The following VPS35L variants were observed in gnomAD, a reference collection of about 807,000 sequenced individuals.
The protein encoded by VPS35L is VPS35 endosomal protein sorting factor like.
A neutral mutation model predicts 133.0 loss-of-function variants in VPS35L; 83 were observed. The observed-to-expected ratio is 0.62, with a 90% CI of 0.52 to 0.75. The LOEUF (loss-of-function observed/expected upper bound fraction) is 0.75, where lower values mean the gene tolerates loss of function less well. Ranked by LOEUF, VPS35L falls within the 30% of genes least tolerant of loss-of-function variation. The pLI, the probability that VPS35L is intolerant of heterozygous loss-of-function variation, is 0.00. For synonymous variants in VPS35L, 423 were observed against 449.9 expected (o/e 0.94, Z 0.76); for missense variants, 1,083 against 1,206.8 (o/e 0.90, Z 1.52).
chr16:19,608,092 G>A, intron 9 of VPS35L, 86 bp from the exon 10 acceptor site: 1 of 950,532 alleles, frequency 1.1e-6, no homozygotes. Flanking sequence ...CCCCTTTTCT[G>A]CTCCAGGGTA....
At chr16:19,660,901 A>T (rs1416848610) in intron 26 of VPS35L, among the ~76,000 whole-genome samples, 1 of 152,196 alleles carries the variant, frequency 6.6e-6, no homozygotes, top group Non-Finnish European at 1.5e-5. Flanking sequence ...AAAGTCTCCA[A>T]TAATATGCTG....
intron 26 of VPS35L, among the ~76,000 whole-genome samples, chr16:19,662,848 G>T (rs1401476221): frequency 2.6e-5 from 4 of 152,038 alleles, no homozygotes; most frequent in Non-Finnish European, 5.9e-5. Context: ...TCCTACAGGG[G>T]CATGGTAGCA....
intron 27 of VPS35L, among the ~76,000 whole-genome samples, chr16:19,679,468 ATTATTTATTTATTTATTTAT>A (rs139152185): frequency 5.9e-4 from 73 of 123,154 alleles, no homozygotes; most frequent in African/African-American, 1.7e-3. Flanking sequence ...GTTAAGAACA[ATTATTTATTTATTTATTTAT>A]TTATTTATTT....
intron 26 of VPS35L, among the ~76,000 whole-genome samples, chr16:19,653,610 G>A (rs921819623): frequency 4.6e-5 from 7 of 152,218 alleles, no homozygotes; most frequent in Admixed American, 3.9e-4. Flanking sequence ...AGGAATGCCG[G>A]GGCAGTTCCA....
chr16:19,622,140 CTTT>C (rs60521137), intron 14 of VPS35L, among the ~76,000 whole-genome samples: 6 of 107,908 alleles, frequency 5.6e-5, no homozygotes, highest in African/African-American at 1.3e-4. Context: ...CCATGTATAT[CTTT>C]TTTTTTTTTT....
At chr16:19,587,086 A>G (rs1272805825) in intron 7 of VPS35L, among the ~76,000 whole-genome samples, 1 of 147,668 alleles carries the variant, frequency 6.8e-6, no homozygotes, top group Admixed American at 6.9e-5. Flanking sequence ...ATAGCAGAGC[A>G]GGAGAGAGAA....
chr16:19,609,052 A>G (rs115432071), intron 11 of VPS35L, 31 bp downstream of exon 11: 1 of 1,583,490 alleles, frequency 6.3e-7, no homozygotes, highest in South Asian at 1.1e-5. Flanking sequence ...CTAGAACCAT[A>G]AAATTTCTAA....
At chr16:19,685,315 C>G (rs1309789766) in intron 28 of VPS35L, among the ~76,000 whole-genome samples, 1 of 152,206 alleles carries the variant, frequency 6.6e-6, no homozygotes, top group Non-Finnish European at 1.5e-5. Flanking sequence ...TATTTGGCTG[C>G]TTTAACTCAG....
At chr16:19,628,781 A>T (rs770031512) in intron 17 of VPS35L, 28 bp downstream of exon 17, 13 of 309,274 alleles carry the variant, frequency 4.2e-5, no homozygotes, top group Non-Finnish European at 5.1e-5. Flanking sequence ...TTTTATTTTT[A>T]TTTATTTATT....
chr16:19,678,527 G>A, intron 27 of VPS35L, among the ~76,000 whole-genome samples: 1 of 151,332 alleles, frequency 6.6e-6, no homozygotes, highest in Non-Finnish European at 1.5e-5. Flanking sequence ...GCCCAGGCTG[G>A]AGCGCAGTGG....
chr16:19,608,406 T>C, intron 10 of VPS35L, 132 bp downstream of exon 10: 1 of 685,384 alleles, frequency 1.5e-6, no homozygotes, highest in Non-Finnish European at 2.5e-6. Flanking sequence ...GTTGCTAGCC[T>C]GAAAACACAT....
chr16:19,684,415 G>A (rs1035065304), intron 28 of VPS35L, among the ~76,000 whole-genome samples: 2 of 152,168 alleles, frequency 1.3e-5, no homozygotes, highest in Admixed American at 1.3e-4. Context: ...AGTGCTTAAG[G>A]GATGGCCTGC....
chr16:19,561,361 ACT>A (rs1680113247), intron 1 of VPS35L, among the ~76,000 whole-genome samples: 1 of 152,144 alleles, frequency 6.6e-6, no homozygotes, highest in East Asian at 1.9e-4. Flanking sequence ...ACAGAGTGAG[ACT>A]CTGCCTCAAA....
chr16:19,663,525 T>C lies in VPS35L; in HGVS notation c.2222-5635T>C, dbSNP rs192481638. On this transcript the variant is annotated intron_variant, in intron 26 of 30. Transcript: ENST00000417362. ...CTTTTTGTCCTTTTTTTTTCTTTTT[T>C]TCCCCCGCCACCCTCCCCCCCGATT... is the stretch of plus-strand genomic sequence containing the variant. 6.5e-4 allele frequency among the ~76,000 whole-genome samples: 99 copies of C among 151,664 alleles called. No homozygotes were observed. In the East Asian group the frequency reaches 0.019, roughly 29 times the overall value.
At chr16:19,682,544 T>C (rs11642806) in intron 28 of VPS35L, among the ~76,000 whole-genome samples, 154 bp downstream of exon 28, 62,852 of 152,082 alleles carry the variant, frequency 0.41, 13,816 homozygotes, top group African/African-American at 0.56. Flanking sequence ...TGATCTAAGA[T>C]TTACCTGGAG....
intron 1 of VPS35L, among the ~76,000 whole-genome samples, chr16:19,556,383 T>C (rs1839673980): frequency 6.6e-6 from 1 of 152,068 alleles, no homozygotes. Context: ...AATTGGGTCT[T>C]GGAGGATGAA....
chr16:19,699,430 C>A lies in VPS35L; in HGVS notation c.2647-72C>A. The A allele has an allele frequency of 1.3e-6, 2 of 1,577,340 alleles. No homozygotes were observed. Among genetic ancestry groups the A allele is most frequent in the Non-Finnish European group, 1.7e-6 (2 of 1,155,966 alleles). On this transcript the variant is annotated intron_variant, in intron 29 of 30. Transcript: ENST00000417362. This position sits in a 1 kb window ranked among gnomAD's most constrained non-coding sequence, Gnocchi z 4.2. Reference sequence around the variant, plus strand: ...GGCATGACCTACCCCAGAGTCAGCACTGTCCACAGCATCTCTGCGGGGCAC... The same window carrying A: ...GGCATGACCTACCCCAGAGTCAGCAATGTCCACAGCATCTCTGCGGGGCAC...
At chr16:19,577,500 A>G (rs1047416380) in intron 5 of VPS35L, among the ~76,000 whole-genome samples, 1 of 152,204 alleles carries the variant, frequency 6.6e-6, no homozygotes, top group African/African-American at 2.4e-5. Flanking sequence ...ACTTTGTATG[A>G]ATATAGAGCA....
intron 19 of VPS35L, 135 bp from the exon 20 acceptor site, chr16:19,637,459 G>A: frequency 1.7e-6 from 1 of 581,994 alleles, no homozygotes; most frequent in Non-Finnish European, 2.9e-6. Flanking sequence ...CCTTATTGTA[G>A]TAATAATTGC....
Sources: allele counts gnomAD v4.1 joint callset (sites outside exome capture counted in the v4.1 genomes callset), GRCh38; gene constraint gnomAD v4.1.1; non-coding constraint Gnocchi (gnomAD v3.1); transcripts MANE v1.5; gene names NCBI Gene and HGNC (gene_info 2026-07-23, HGNC 2026-07-21).